The following CFHR3 variants were observed in gnomAD, a reference collection of about 807,000 sequenced individuals.
CFHR3 encodes complement factor H-related protein 3.
In CFHR3, 22 loss-of-function variants were observed where a neutral mutation model predicts 36.0. That is an observed-to-expected ratio of 0.61 (90% CI 0.44 to 0.87). The LOEUF (loss-of-function observed/expected upper bound fraction) is 0.87. CFHR3 is among the 40% of genes least tolerant of loss of function. CFHR3 has a pLI of 0.00. For synonymous variants in CFHR3, 97 were observed against 137.4 expected (o/e 0.71, Z 2.06); for missense variants, 276 against 401.3 (o/e 0.69, Z 2.67).
Position 196,789,557 on chromosome 1 carries a change from A to G in CFHR3, c.614-488A>G. On this transcript the variant is annotated intron_variant, in intron 4 of 5. Transcript: ENST00000367425. ...AATTAATATAATTTTTATCTAATAT[A>G]TACACCCTTACTGTTAGTAAATCGT... 1.2e-5 allele frequency: 13 copies of G among 1,059,804 alleles called. 3 individuals carry two copies. In the South Asian group the frequency reaches 4.1e-4, roughly 33 times the overall value. 65.7% of individuals were successfully genotyped at this position (1,059,804 alleles called of 1,614,324 possible). A position where few individuals can be genotyped will look rare whatever the true frequency, so the allele number is the denominator to read the frequency against.
Position 196,788,548 on chromosome 1 carries a change from A to G in CFHR3, c.613+150A>G, listed in dbSNP as rs950045254. On this transcript the variant is annotated intron_variant, in intron 4 of 5. Coordinates refer to ENST00000367425, the MANE Select transcript of CFHR3 (RefSeq NM_021023.6). ...CCATTCAACATTCTGTGCCAAATTA[A>G]GTCTTTTGCATGTTTAGAGTAATGG... 7 of 1,227,418 alleles carry G rather than the reference A, an allele frequency of 5.7e-6. 2 individuals are homozygous for G. In the African/African-American group the frequency reaches 1.2e-4, roughly 20 times the overall value. The allele number at this position is 1,227,418 out of a possible 1,614,324, so 76.0% of individuals were successfully genotyped here.
chr1:196,780,032 C>T, intron 3 of CFHR3, 59 bp downstream of exon 3: 1 of 1,515,890 alleles, frequency 6.6e-7, no homozygotes, highest in East Asian at 2.2e-5. Context: ...ACACGGACGA[C>T]AGTCTCAGAC....
In CFHR3 at chr1:196,779,720, CAAT is replaced by C. The variant is rs1653867530; in HGVS notation, c.254-73_254-71del. On this transcript the variant is annotated intron_variant, in intron 2 of 5. Coordinates refer to ENST00000367425, the MANE Select transcript of CFHR3 (RefSeq NM_021023.6). ...ATGCGATCTTATTTAAATATGGTAA[CAAT>C]AATTTTAATATACTTTTTGTGCAAA... is the stretch of plus-strand genomic sequence containing the variant. 3.6e-6 allele frequency: 5 copies of C among 1,405,580 alleles called. 1 individual carries two copies. The highest frequency in any genetic ancestry group is 4.7e-6 in the Non-Finnish European group (5 of 1,054,990). 87.1% of individuals were successfully genotyped at this position (1,405,580 alleles called of 1,614,324 possible).
At position 196,785,316 on chromosome 1, in the gene CFHR3, C is replaced by T. The variant is rs1654150788; in HGVS notation, c.431-2900C>T. On this transcript the variant is annotated intron_variant, in intron 3 of 5. Coordinates refer to ENST00000367425, the MANE Select transcript of CFHR3 (RefSeq NM_021023.6). ...CTCTTCTCTAGGAGTATCTTTGTGG[C>T]GTTCTCTGTATTTCCTGAATCTGAA... Among the ~76,000 whole-genome samples the T allele has an allele frequency of 2.3e-5, 3 of 133,138 alleles. 1 individual carries two copies. The highest frequency in any genetic ancestry group is 1.4e-4 in the Admixed American group (2 of 13,830). The allele number at this position is 133,138 out of a possible 152,430, so 87.3% of individuals were successfully genotyped here. A position where few individuals can be genotyped will look rare whatever the true frequency, so the allele number is the denominator to read the frequency against.
In CFHR3 at chr1:196,775,783, C is replaced by T. The variant is rs1653694700; in HGVS notation, c.58+839C>T. On this transcript the variant is annotated intron_variant, in intron 1 of 5. Coordinates refer to ENST00000367425, the MANE Select transcript of CFHR3 (RefSeq NM_021023.6). ...GGTGTGTGTCCATTAATGAAGAATA[C>T]AAATTTTGTAATTATCCAAAACTTC... 1.5e-5 allele frequency among the ~76,000 whole-genome samples: 2 copies of T among 136,806 alleles called. 1 individual carries two copies. Among genetic ancestry groups the T allele is most frequent in the Admixed American group, 1.4e-4 (2 of 14,204 alleles). 89.8% of individuals were successfully genotyped at this position (136,806 alleles called of 152,430 possible).
At position 196,779,932 on chromosome 1, in the gene CFHR3, C is replaced by T. The variant is rs574536456; in HGVS notation, c.389C>T (p.Thr130Met). 8 of 1,533,088 alleles carry T rather than the reference C, an allele frequency of 5.2e-6. 1 individual carries two copies. The South Asian group carries it at 8.7e-5, about 17-fold the overall frequency. The allele number at this position is 1,533,088 out of a possible 1,614,324, so 95.0% of individuals were successfully genotyped here. ...AAAGCGCAGACCACAGTTACATGTA[C>T]GGAGAAAGGCTGGTCTCCTACTCCC... ...LPKAQTTVTC[T>M]EKGWSPTPRC... The change falls in exon 3 of 6, where the codon ACG becomes ATG. Residue 130 changes from threonine (T) to methionine (M), a missense_variant. Around this residue, in one of 3 missense-constraint regions of CFHR3, gnomAD observed 178 missense variants for 247.2 expected, o/e 0.72. Transcript: ENST00000367425.
rs552877137 is a variant in CFHR3 at position 196,787,133 on chromosome 1, G to A, written c.431-1083G>A. ...ATAATAATTATGGAATAATTGAGAC[G>A]AAAGATAATGGGAATCTTCCTACAC... On this transcript the variant is annotated intron_variant, in intron 3 of 5. Coordinates refer to ENST00000367425, the MANE Select transcript of CFHR3 (RefSeq NM_021023.6). 8.0e-5 allele frequency among the ~76,000 whole-genome samples: 11 copies of A among 137,094 alleles called. No homozygotes were observed. The East Asian group carries it at 1.8e-3, about 22-fold the overall frequency. The allele number at this position is 137,094 out of a possible 152,430, so 89.9% of individuals were successfully genotyped here.
In CFHR3 at chr1:196,782,225, G is replaced by A. The variant is rs1410452668; in HGVS notation, c.430+2252G>A. ...CTGTAGCCTTGTAGTATAGTTTGAA[G>A]TCACGTAGTGTGATGCCTCCAGCTT... On this transcript the variant is annotated intron_variant, in intron 3 of 5. Transcript: ENST00000367425. 1.5e-5 allele frequency among the ~76,000 whole-genome samples: 2 copies of A among 137,114 alleles called. 1 individual carries two copies. Among genetic ancestry groups the A allele is most frequent in the African/African-American group, 6.1e-5 (2 of 32,772 alleles). 90.0% of individuals were successfully genotyped at this position (137,114 alleles called of 152,430 possible).
Position 196,793,333 on chromosome 1 carries a change from T to C in CFHR3, c.813T>C (p.Thr271=). The change falls in exon 6 of 6, where the codon ACT becomes ACC. Residue 271 remains threonine (T), a synonymous_variant. Coordinates refer to ENST00000367425, the MANE Select transcript of CFHR3 (RefSeq NM_021023.6). ...PPRCIHPCII[T]EENMNKNNIK... ...TGCTTTCAGATCCATGTATAATAAC[T>C]GAAGAAAACATGAATAAAAATAACA... is the stretch of plus-strand genomic sequence containing the variant. 1 of 1,513,984 alleles carries C rather than the reference T, an allele frequency of 6.6e-7. No homozygotes were observed. The highest frequency in any genetic ancestry group is 2.3e-5 in the East Asian group (1 of 44,316). The allele number at this position is 1,513,984 out of a possible 1,614,324, so 93.8% of individuals were successfully genotyped here. A position where few individuals can be genotyped will look rare whatever the true frequency, so the allele number is the denominator to read the frequency against.
rs1018236430 is a variant in CFHR3, at chr1:196,788,943, G to C, written c.613+545G>C. 1.3e-5 allele frequency: 18 copies of C among 1,366,366 alleles called. 1 individual carries two copies. The highest frequency in any genetic ancestry group is 1.7e-5 in the Non-Finnish European group (18 of 1,054,390). 84.6% of individuals were successfully genotyped at this position (1,366,366 alleles called of 1,614,324 possible). ...TACAGAGAAAACAAGTAAAGGAAAA[G>C]GGTAAGTGGGTGGGCTGAATGTTTA... On this transcript the variant is annotated intron_variant, in intron 4 of 5. Transcript: ENST00000367425.
rs201336311 is a variant in CFHR3 at position 196,788,969 on chromosome 1, C to A, written c.613+571C>A. On this transcript the variant is annotated intron_variant, in intron 4 of 5. Coordinates refer to ENST00000367425, the MANE Select transcript of CFHR3 (RefSeq NM_021023.6). ...GGTAAGTGGGTGGGCTGAATGTTTA[C>A]AAACCTCATACTTGCCAATGGATTC... 22 of 1,337,732 alleles carry A rather than the reference C, an allele frequency of 1.6e-5. 5 individuals carry two copies. In the East Asian group the frequency reaches 2.6e-4, roughly 16 times the overall value. The allele number at this position is 1,337,732 out of a possible 1,614,324, so 82.9% of individuals were successfully genotyped here.
chr1:196,784,520 G>C (rs1329065901), intron 3 of CFHR3, among the ~76,000 whole-genome samples: 2 of 136,244 alleles, frequency 1.5e-5, no homozygotes, highest in East Asian at 3.9e-4. Flanking sequence ...AGGATAGTTA[G>C]CTCTTCTTGT....
At chr1:196,783,967 G>A (rs1654077798) in intron 3 of CFHR3, among the ~76,000 whole-genome samples, 1 of 135,608 alleles carries the variant, frequency 7.4e-6, no homozygotes, top group African/African-American at 3.1e-5. Context: ...TCTACACACT[G>A]CTTTGAATGT....
chr1:196,784,106 A>T (rs1654084876), intron 3 of CFHR3, among the ~76,000 whole-genome samples: 1 of 135,616 alleles, frequency 7.4e-6, no homozygotes, highest in Non-Finnish European at 1.6e-5. Flanking sequence ...CATGTAGTTG[A>T]GCAGTTTTGA....
chr1:196,777,844 C>A (rs548186154), intron 1 of CFHR3, among the ~76,000 whole-genome samples: 1 of 132,072 alleles, frequency 7.6e-6, no homozygotes, highest in South Asian at 2.7e-4. Context: ...AAAAATTAGC[C>A]GGAGTGGCGG....
chr1:196,782,707 A>T (rs1455450258), intron 3 of CFHR3, among the ~76,000 whole-genome samples: 1 of 137,038 alleles, frequency 7.3e-6, no homozygotes, highest in East Asian at 1.9e-4. Context: ...TTTTGGGCTG[A>T]GACAATGGGG....
chr1:196,780,700 A>G (rs1209521784), intron 3 of CFHR3, among the ~76,000 whole-genome samples: 1 of 136,488 alleles, frequency 7.3e-6, no homozygotes, highest in Non-Finnish European at 1.6e-5. Flanking sequence ...CTTTGTGGCT[A>G]GTATTGTTCT....
chr1:196,779,123 A>C (rs901775090), intron 1 of CFHR3, 39 bp from the exon 2 acceptor site: 2 of 1,382,806 alleles, frequency 1.4e-6, no homozygotes, highest in Admixed American at 3.5e-5. Flanking sequence ...TATTACAGTA[A>C]AAATTATTTA....
Position 196,784,713 on chromosome 1 carries a change from G to C in CFHR3, c.431-3503G>C, listed in dbSNP as rs1279415685. Among the ~76,000 whole-genome samples the C allele has an allele frequency of 1.5e-5, 2 of 134,858 alleles. 1 individual carries two copies. The highest frequency in any genetic ancestry group is 3.1e-5 in the Non-Finnish European group (2 of 64,028). 88.5% of individuals were successfully genotyped at this position (134,858 alleles called of 152,430 possible). A position where few individuals can be genotyped will look rare whatever the true frequency, so the allele number is the denominator to read the frequency against. On this transcript the variant is annotated intron_variant, in intron 3 of 5. Transcript: ENST00000367425. ...TATGTGTGTCTCTGCACATGAGATG[G>C]GTTTCCTGAATACAGCACACTGATG...
Sources: gnomAD v4.1 joint callset for allele counts (sites outside exome capture counted in the v4.1 genomes callset) on GRCh38, gnomAD v4.1.1 for gene constraint, gnomAD v4.1.1 regional missense constraint, MANE v1.5 for transcripts, NCBI Gene and HGNC (gene_info 2026-07-23, HGNC 2026-07-21) for gene names.